Variants in INAVA observed in about 807,000 individuals in gnomAD.
INAVA encodes innate immunity activator.
A neutral mutation model predicts 55.3 loss-of-function variants in INAVA; 32 were observed. The observed-to-expected ratio is 0.58, with a 90% CI of 0.44 to 0.78. INAVA has a LOEUF of 0.78. Among genes scored for constraint, INAVA ranks in the 30% least tolerant of loss-of-function variants. INAVA has a pLI of 0.00. For synonymous variants in INAVA, 294 were observed against 329.4 expected (o/e 0.89, Z 1.16); for missense variants, 756 against 786.4 (o/e 0.96, Z 0.46).
At chr1:200,907,401 A>G (rs1443932604) in intron 5 of INAVA, among the ~76,000 whole-genome samples, 1 of 152,098 alleles carries the variant, frequency 6.6e-6, no homozygotes, top group Non-Finnish European at 1.5e-5. Context: ...CATGCCTATA[A>G]TCCCAGCACT....
intron 5 of INAVA, among the ~76,000 whole-genome samples, chr1:200,903,992 C>T (rs1431212481): frequency 2.0e-5 from 3 of 152,062 alleles, no homozygotes; most frequent in Non-Finnish European, 4.4e-5. Flanking sequence ...TAGAGTGAAC[C>T]GCATGAGGGC....
intron 1 of INAVA, among the ~76,000 whole-genome samples, chr1:200,897,094 G>T (rs1668369949): frequency 6.6e-6 from 1 of 152,240 alleles, no homozygotes; most frequent in Non-Finnish European, 1.5e-5. Context: ...GGGAGAGGGG[G>T]TGGGCACAGG....
Position 200,900,958 on chromosome 1 carries a change from C to T in INAVA, c.319C>T (p.Arg107Cys), listed in dbSNP as rs375368974. 88 of 1,552,490 alleles carry T rather than the reference C, an allele frequency of 5.7e-5. No homozygotes were observed. The highest frequency in any genetic ancestry group is 5.2e-4 in the African/African-American group (38 of 73,322). The stretch of plus-strand genomic sequence containing the variant: ...TCAGGACCCCCTAAGCAGCCTGGAG[C>T]GCCAGCTGGCCCTGCAGCTGCAGAT... The part of the protein sequence containing the change: ...HREDPLSSLE[R>C]QLALQLQITE... The change falls in exon 5 of 10, where the codon CGC becomes TGC. Residue 107 changes from arginine to cysteine, a missense_variant. Physicochemically the swap from Arg to Cys is radical, Grantham distance 180 (BLOSUM62 -3). Coordinates refer to ENST00000413687, the MANE Select transcript of INAVA (RefSeq NM_001142569.3).
chr1:200,900,859 G>A, intron 4 of INAVA, 78 bp from the exon 5 acceptor site: 1 of 1,126,714 alleles, frequency 8.9e-7, no homozygotes, highest in East Asian at 2.6e-5. Flanking sequence ...CTAGAGCACT[G>A]TGTCAGGGCT....
At chr1:200,899,903 T>A (rs959661870) in intron 3 of INAVA, among the ~76,000 whole-genome samples, 4 of 152,034 alleles carry the variant, frequency 2.6e-5, no homozygotes, top group Admixed American at 2.6e-4. Flanking sequence ...GAGGAAGTGA[T>A]CAGAAAGAGG....
At position 200,898,282 on chromosome 1, in the gene INAVA, T is replaced by C. The variant is rs199976560; in HGVS notation, c.-94-25T>C. ...AGATGGTTCATATCTAGCTTTTTTG[T>C]TATTGTTCTCTTTTCTCTTTAAAGC... On this transcript the variant is annotated intron_variant, in intron 1 of 9. Coordinates refer to ENST00000413687, the MANE Select transcript of INAVA (RefSeq NM_001142569.3). 4.3e-5 allele frequency: 69 copies of C among 1,604,174 alleles called. No individual in the cohort carries two copies. In the Admixed American group the frequency reaches 9.5e-4, roughly 22 times the overall value.
At chr1:200,909,487 C>A in intron 8 of INAVA, 90 bp downstream of exon 8, 1 of 1,208,168 alleles carries the variant, frequency 8.3e-7, no homozygotes, top group East Asian at 2.9e-5. Flanking sequence ...TGGGACAACC[C>A]TGGGTGACAC....
At chr1:200,913,314 C>T (rs1234740346) in intron 9 of INAVA, among the ~76,000 whole-genome samples, 1 of 152,122 alleles carries the variant, frequency 6.6e-6, no homozygotes, top group Non-Finnish European at 1.5e-5. Flanking sequence ...GAGGTCAGGG[C>T]GCCTGTCACA....
chr1:200,908,963 A>AAGGGC (rs746236556), intron 7 of INAVA, 23 bp downstream of exon 7: 48 of 1,605,574 alleles, frequency 3.0e-5, no homozygotes, highest in Middle Eastern at 1.7e-4. Context: ...GGGAAGGGAG[A>AAGGGC]AGGGCAGGGC....
At position 200,901,988 on chromosome 1, in the gene INAVA, C is replaced by T. The variant is rs552722548; in HGVS notation, c.520+829C>T. ...CCAAGGCCAGCCTGTCAGGTCAGGA[C>T]TTGCATCTCTCCATTCCAAACCCCA... On this transcript the variant is annotated intron_variant, in intron 5 of 9. Transcript: ENST00000413687. 2.3e-4 allele frequency among the ~76,000 whole-genome samples: 35 copies of T among 152,294 alleles called. No homozygotes were observed. The South Asian group carries it at 5.8e-3, about 25-fold the overall frequency.
chr1:200,894,779 T>C (rs1668305507), upstream of INAVA: 10 of 985,444 alleles, frequency 1.0e-5, no homozygotes, highest in Non-Finnish European at 1.2e-5. Context: ...CCCCCGGAAG[T>C]GCAGAGGCCC....
At chr1:200,893,613 C>A (rs1668278226), upstream of INAVA, among the ~76,000 whole-genome samples, 1 of 152,170 alleles carries the variant, frequency 6.6e-6, no homozygotes, top group South Asian at 2.1e-4. Context: ...GGAGGAAGAA[C>A]TGTCCCCTCT....
In INAVA at chr1:200,912,091, C is replaced by T. The variant is rs1385579138; in HGVS notation, c.1598C>T (p.Pro533Leu). ...GGAGCTTTCCGGGTCAGGAGCCTGC[C>T]CCTTGGGAGAGAGGGCTTCGGACGA... ...RQGAFRVRSL[P>L]LGREGFGRAL... Residue 533 changes from proline to leucine, a missense_variant, in exon 9 of 10, where the codon CCC (proline) becomes CTC (leucine). Pro to Leu is a moderately conservative substitution (Grantham distance 98, BLOSUM62 -3). Coordinates refer to ENST00000413687, the MANE Select transcript of INAVA (RefSeq NM_001142569.3). 1.3e-6 allele frequency: 2 copies of T among 1,549,276 alleles called. No individual in the cohort carries two copies. Among genetic ancestry groups the T allele is most frequent in the South Asian group, 1.2e-5 (1 of 84,048 alleles).
At chr1:200,894,678 G>A (rs992460196), upstream of INAVA, 9 of 522,814 alleles carry the variant, frequency 1.7e-5, no homozygotes, top group African/African-American at 2.1e-5. Context: ...GTTGTACTAG[G>A]GTCTCTTGAG....
At position 200,895,644 on chromosome 1, in the gene INAVA, T is replaced by G. The variant is rs1172687807; in HGVS notation, c.-95+557T>G. Among the ~76,000 whole-genome samples, 13 of 152,242 alleles carry G rather than the reference T, an allele frequency of 8.5e-5. No individual in the cohort carries two copies. In the East Asian group the frequency reaches 2.5e-3, roughly 29 times the overall value. On this transcript the variant is annotated intron_variant, in intron 1 of 9. Coordinates refer to ENST00000413687, the MANE Select transcript of INAVA (RefSeq NM_001142569.3). ...GGGTGGTGCCCTCGCTCTCACCTGT[T>G]GACTCTGGGGCAGGTTCCCTACAGC...
At chr1:200,898,032 T>C (rs1653018649) in intron 1 of INAVA, among the ~76,000 whole-genome samples, 1 of 152,176 alleles carries the variant, frequency 6.6e-6, no homozygotes, top group Non-Finnish European at 1.5e-5. Flanking sequence ...TTCTTGTGGC[T>C]ACCACAGCTG....
intron 1 of INAVA, among the ~76,000 whole-genome samples, chr1:200,897,985 G>T (rs1375263565): frequency 6.6e-6 from 1 of 152,098 alleles, no homozygotes; most frequent in African/African-American, 2.4e-5. Context: ...TCCTGTCTCT[G>T]CTCTTTTCCT....
intron 5 of INAVA, among the ~76,000 whole-genome samples, chr1:200,903,357 G>A (rs898278040): frequency 1.3e-5 from 2 of 152,030 alleles, no homozygotes; most frequent in African/African-American, 2.4e-5. Flanking sequence ...GGTGGTGCAT[G>A]TCTGTAGTCC....
chr1:200,892,817 C>T (rs542018652), upstream of INAVA, among the ~76,000 whole-genome samples: 84 of 152,338 alleles, frequency 5.5e-4, 1 homozygote, highest in South Asian at 0.017. Context: ...CAGCTCCCTT[C>T]CAAACCTCAG....
Sources: gnomAD v4.1 joint callset for allele counts (sites outside exome capture counted in the v4.1 genomes callset) on GRCh38, gnomAD v4.1.1 for gene constraint, MANE v1.5 for transcripts, NCBI Gene and HGNC (gene_info 2026-07-23, HGNC 2026-07-21) for gene names.